The following EDN1 variants were observed in gnomAD, a reference collection of about 807,000 sequenced individuals.
The protein encoded by EDN1 is endothelin 1.
Under a neutral mutation model 21.7 loss-of-function variants are expected in EDN1, and 11 were observed. The observed-to-expected ratio is 0.51, with a 90% CI of 0.32 to 0.84. The LOEUF is 0.84. Among genes scored for constraint, EDN1 ranks in the 40% least tolerant of loss-of-function variants. The pLI, the probability that EDN1 is intolerant of heterozygous loss-of-function variation, is 0.03. For synonymous variants in EDN1, 85 were observed against 90.6 expected, an observed-to-expected ratio of 0.94 and a Z score of 0.35; for missense variants, 244 against 262.3, an observed-to-expected ratio of 0.93 and a Z score of 0.48.
the EDN1 span, among the ~76,000 whole-genome samples, chr6:12,253,944 T>C: frequency 6.6e-6 from 1 of 152,110 alleles, no homozygotes; most frequent in African/African-American, 2.4e-5. Context: ...CTTTCTGACA[T>C]TTTGCTCATT....
the EDN1 span, among the ~76,000 whole-genome samples, chr6:12,284,759 G>GAAAGAA: frequency 6.7e-6 from 1 of 149,786 alleles, no homozygotes; most frequent in African/African-American, 2.4e-5. Flanking sequence ...AAGAAAGAAA[G>GAAAGAA]AAAGAAAGAA....
At chr6:12,266,037 C>T in the EDN1 span, among the ~76,000 whole-genome samples, 4 of 152,144 alleles carry the variant, frequency 2.6e-5, no homozygotes, top group African/African-American at 7.2e-5. Flanking sequence ...AAACCAGGGC[C>T]ACCCTCTTAA....
At chr6:12,260,896 G>A in the EDN1 span, among the ~76,000 whole-genome samples, 2,065 of 152,228 alleles carry the variant, frequency 0.014, 58 homozygotes, top group African/African-American at 0.047. Flanking sequence ...TATGAAAAGA[G>A]GGAGTGGTGA....
At position 12,296,064 on chromosome 6, in the gene EDN1, G is replaced by C. The variant is rs745611684; in HGVS notation, c.636G>C (p.Trp212Cys). The C allele has an allele frequency of 3.1e-6, 5 of 1,613,880 alleles. No homozygotes were observed. In the South Asian group the frequency reaches 3.3e-5, roughly 11 times the overall value. The change falls in exon 5 of 5, where the codon TGG becomes TGC. Residue 212 changes from tryptophan to cysteine, a missense_variant. Trp to Cys is a radical substitution (Grantham distance 215). Coordinates refer to ENST00000379375, the MANE Select transcript of EDN1 (RefSeq NM_001955.5). ...ERYVTHNRAH[W>C] ...ATGTGACCCACAACCGAGCACATTGGTGACAGACCTTCGGGGCCTGTCTGA... is the reference window on the plus strand; with the variant it reads ...ATGTGACCCACAACCGAGCACATTGCTGACAGACCTTCGGGGCCTGTCTGA...
chr6:12,292,382 G>T lies in EDN1; in HGVS notation c.106G>T (p.Gly36Trp). The T allele has an allele frequency of 6.2e-7, 1 of 1,613,958 alleles. No homozygotes were observed. The highest frequency in any genetic ancestry group is 8.5e-7 in the Non-Finnish European group (1 of 1,180,044). Residue 36 changes from glycine (G) to tryptophan (W), a missense_variant, in exon 2 of 5, where the codon GGG (glycine) becomes TGG (tryptophan). Physicochemically the swap from Gly to Trp is radical, Grantham distance 184. Coordinates refer to ENST00000379375, the MANE Select transcript of EDN1 (RefSeq NM_001955.5). ...GCTCAGCGCGGTGGGTGAGAACGGC[G>T]GGGAGAAACCCACTCCCAGTCCACC... Reference protein sequence around the residue: ...AELSAVGENGGEKPTPSPPWR... With the variant: ...AELSAVGENGWEKPTPSPPWR...
At position 12,292,402 on chromosome 6, in the gene EDN1, T is replaced by G; in HGVS notation, c.126T>G (p.Ser42Arg). 1.2e-6 allele frequency: 2 copies of G among 1,613,988 alleles called. No individual in the cohort carries two copies. Among genetic ancestry groups the G allele is most frequent in the Non-Finnish European group, 1.7e-6 (2 of 1,180,006 alleles). ...ACGGCGGGGAGAAACCCACTCCCAG[T>G]CCACCCTGGCGGCTCCGCCGGTCCA... The part of the protein sequence containing the change: ...GENGGEKPTP[S>R]PPWRLRRSKR... Residue 42 changes from serine (S) to arginine (R), a missense_variant, in exon 2 of 5, where the codon AGT becomes AGG. Ser to Arg is a moderately radical substitution (Grantham distance 110). Coordinates refer to ENST00000379375, the MANE Select transcript of EDN1 (RefSeq NM_001955.5).
upstream of EDN1, among the ~76,000 whole-genome samples, chr6:12,288,486 C>T (rs1308155508): frequency 6.6e-6 from 1 of 152,128 alleles, no homozygotes; most frequent in Admixed American, 6.5e-5. Context: ...GGCCCCGGGG[C>T]TAGGCTGAGG....
At chr6:12,260,696 C>T in the EDN1 span, among the ~76,000 whole-genome samples, 2 of 152,110 alleles carry the variant, frequency 1.3e-5, no homozygotes, top group Non-Finnish European at 2.9e-5. Context: ...CCCCCTGTCC[C>T]TCTGGAGTTT....
At chr6:12,272,390 G>A in the EDN1 span, among the ~76,000 whole-genome samples, 1 of 151,288 alleles carries the variant, frequency 6.6e-6, no homozygotes, top group Non-Finnish European at 1.5e-5. Flanking sequence ...TTAATTATGC[G>A]ACTTCTTCTC....
the EDN1 span, among the ~76,000 whole-genome samples, chr6:12,232,015 G>T: frequency 6.7e-6 from 1 of 150,286 alleles, no homozygotes; most frequent in Non-Finnish European, 1.5e-5. Context: ...AGGGTAAAAT[G>T]TTGACATTTT....
At position 12,295,482 on chromosome 6, in the gene EDN1, C is replaced by CAA. The variant is rs113134928; in HGVS notation, c.534-469_534-468dup. 1.5e-4 allele frequency among the ~76,000 whole-genome samples: 22 copies of CAA among 142,226 alleles called. No individual in the cohort carries two copies. The East Asian group carries it at 4.2e-3, about 27-fold the overall frequency. 93.3% of individuals were successfully genotyped at this position (142,226 alleles called of 152,430 possible). A position where few individuals can be genotyped will look rare whatever the true frequency, so the allele number is the denominator to read the frequency against. ...TTTCTCCTGTAAAACATTAGGCCTGCAAAAAAAAAAAATCTTTTTAAAAAT... is the reference window on the plus strand; with the variant it reads ...TTTCTCCTGTAAAACATTAGGCCTGCAAAAAAAAAAAAAATCTTTTTAAAAAT... On this transcript the variant is annotated intron_variant, in intron 4 of 4. Coordinates refer to ENST00000379375, the MANE Select transcript of EDN1 (RefSeq NM_001955.5).
upstream of EDN1, among the ~76,000 whole-genome samples, chr6:12,285,719 C>T (rs968222799): frequency 4.6e-5 from 7 of 152,178 alleles, no homozygotes; most frequent in Admixed American, 3.3e-4. Flanking sequence ...TACAGGCATG[C>T]GCCACCATGC....
intron 4 of EDN1, 104 bp from the exon 5 acceptor site, chr6:12,295,858 A>C: frequency 8.7e-7 from 1 of 1,145,828 alleles, no homozygotes; most frequent in Non-Finnish European, 1.3e-6. Context: ...GTTCACAACC[A>C]GATTCAGGTT....
the EDN1 span, among the ~76,000 whole-genome samples, chr6:12,238,617 G>A: frequency 6.6e-6 from 1 of 152,222 alleles, no homozygotes; most frequent in Non-Finnish European, 1.5e-5. Flanking sequence ...TAGAACCACG[G>A]CTGATGCAGC....
upstream of EDN1, among the ~76,000 whole-genome samples, chr6:12,285,694 T>C (rs967994698): frequency 6.6e-6 from 1 of 152,076 alleles, no homozygotes; most frequent in Non-Finnish European, 1.5e-5. Context: ...CCTCAGCCTC[T>C]TGAGTAGCTG....
the EDN1 span, among the ~76,000 whole-genome samples, chr6:12,240,302 A>T: frequency 3.3e-5 from 5 of 152,228 alleles, no homozygotes; most frequent in Admixed American, 2.6e-4. Flanking sequence ...GAAAACCCAC[A>T]GGCGGCAGTG....
chr6:12,294,918 G>GTTTTTTTTTTTTT (rs757628744), intron 4 of EDN1, among the ~76,000 whole-genome samples: 3 of 32,694 alleles, frequency 9.2e-5, no homozygotes, highest in African/African-American at 3.1e-4. Flanking sequence ...CAGGTTTATG[G>GTTTTTTTTTTTTT]TCTTTTTTTT....
At chr6:12,295,165 T>C (rs1452607137) in intron 4 of EDN1, among the ~76,000 whole-genome samples, 1 of 152,188 alleles carries the variant, frequency 6.6e-6, no homozygotes, top group African/African-American at 2.4e-5. Context: ...TCTGCATTTT[T>C]CTATCATGGT....
chr6:12,231,336 A>T, the EDN1 span, among the ~76,000 whole-genome samples: 1 of 152,348 alleles, frequency 6.6e-6, no homozygotes, highest in East Asian at 1.9e-4. Flanking sequence ...AGTCAAATCC[A>T]TGCTTAACAG....
Sources: allele counts gnomAD v4.1 joint callset (sites outside exome capture counted in the v4.1 genomes callset), GRCh38; gene constraint gnomAD v4.1.1; transcripts MANE v1.5; gene names NCBI Gene and HGNC (gene_info 2026-07-23, HGNC 2026-07-21).